Variants in H1-10 observed in about 807,000 individuals in gnomAD.
H1-10 encodes the protein histone H1.10.
For missense variants in H1-10, 307 were observed against 297.9 expected, an observed-to-expected ratio of 1.03 and a Z score of -0.22; for synonymous variants, 191 against 140.9, an observed-to-expected ratio of 1.36 and a Z score of -2.52.
Position 129,315,451 on chromosome 3 carries a change from G to A in H1-10, c.452C>T (p.Ala151Val). 1.4e-6 allele frequency: 2 copies of A among 1,458,936 alleles called. No individual in the cohort carries two copies. The highest frequency in any genetic ancestry group is 2.8e-5 in the East Asian group (1 of 36,090). 90.4% of individuals were successfully genotyped at this position (1,458,936 alleles called of 1,614,324 possible). The change falls in exon 1 of 1, where the codon GCG becomes GTG. Residue 151 changes from alanine (A) to valine (V), a missense_variant. By Grantham distance (64) the Ala-to-Val change is moderately conservative. Coordinates refer to ENST00000333762, the MANE Select transcript of H1-10 (RefSeq NM_006026.4). ...CTTGTCCGCGCGCCGGGAGCCGGCC[G>A]CGCCCGGGGCTGCCTTCTTCGCTTT... is the stretch of plus-strand genomic sequence containing the variant. The part of the protein sequence containing the change: ...AHKAKKAAPG[A>V]AGSRRADKKP...
Position 129,315,798 on chromosome 3 carries a change from C to T in H1-10, c.105G>A (p.Lys35=). ...GGSAALSPSK[K]RKNSKKKNQP... ...GGTTCTTCTTCTTGCTATTCTTCCTCTTCTTAGATGGGGACAACGCCGCCG... is the reference window on the plus strand; with the variant it reads ...GGTTCTTCTTCTTGCTATTCTTCCTTTTCTTAGATGGGGACAACGCCGCCG... Residue 35 remains lysine (K), a synonymous_variant, in exon 1 of 1, where the codon AAG becomes AAA. Transcript: ENST00000333762. 1.2e-6 allele frequency: 2 copies of T among 1,605,022 alleles called. No individual in the cohort carries two copies. The highest frequency in any genetic ancestry group is 2.2e-5 in the East Asian group (1 of 44,502).
rs1001267679 is a variant in H1-10 at position 129,315,042 on chromosome 3, G to A, written c.*219C>T. ...GTTGCCAAGGCCGAGAGCCAATAGA[G>A]GCGTCGCCGGGGCTGTTTCAAAAAC... On this transcript the variant is annotated 3_prime_UTR_variant, in exon 1 of 1. Coordinates refer to ENST00000333762, the MANE Select transcript of H1-10 (RefSeq NM_006026.4). 8.0e-6 allele frequency: 3 copies of A among 376,640 alleles called. No homozygotes were observed. Among genetic ancestry groups the A allele is most frequent in the African/African-American group, 4.2e-5 (2 of 47,880 alleles). The allele number at this position is 376,640 out of a possible 1,614,324, so 23.3% of individuals were successfully genotyped here.
chr3:129,315,543 C>A lies in H1-10; in HGVS notation c.360G>T (p.Lys120Asn). 6.5e-7 allele frequency: 1 copy of A among 1,545,392 alleles called. No homozygotes were observed. The highest frequency in any genetic ancestry group is 8.7e-7 in the Non-Finnish European group (1 of 1,146,492). Residue 120 changes from lysine (K) to asparagine (N), a missense_variant, in exon 1 of 1, where the codon AAG (lysine) becomes AAT (asparagine). By Grantham distance (94) the Lys-to-Asn change is moderately conservative. Coordinates refer to ENST00000333762, the MANE Select transcript of H1-10 (RefSeq NM_006026.4). ...ANGSFKLNRKKLEGGGERRGA... is the reference protein window; with the variant it reads ...ANGSFKLNRKNLEGGGERRGA... Reference sequence around the variant, plus strand: ...CGCGCCGCTCCCCGCCGCCCTCCAGCTTCTTGCGGTTGAGCTTGAAGGAAC... The same window carrying A: ...CGCGCCGCTCCCCGCCGCCCTCCAGATTCTTGCGGTTGAGCTTGAAGGAAC...
chr3:129,315,686 C>G lies in H1-10; in HGVS notation c.217G>C (p.Glu73Gln). ...TCGAACCACGGAACCTTCTTGGCCTCGGTGTAGATCTTGGCCAGCGACGAG... is the reference window on the plus strand; with the variant it reads ...TCGAACCACGGAACCTTCTTGGCCTGGGTGTAGATCTTGGCCAGCGACGAG... Reference protein sequence around the residue: ...NGSSLAKIYTEAKKVPWFDQQ... With the variant: ...NGSSLAKIYTQAKKVPWFDQQ... The change falls in exon 1 of 1, where the codon GAG becomes CAG. Residue 73 changes from glutamate to glutamine, a missense_variant. Glu to Gln is a conservative substitution (Grantham distance 29, BLOSUM62 2). Coordinates refer to ENST00000333762, the MANE Select transcript of H1-10 (RefSeq NM_006026.4). 6.3e-7 allele frequency: 1 copy of G among 1,586,566 alleles called. No homozygotes were observed. The highest frequency in any genetic ancestry group is 8.6e-7 in the Non-Finnish European group (1 of 1,168,384).
At position 129,315,377 on chromosome 3, in the gene H1-10, C is replaced by T. The variant is rs952219361; in HGVS notation, c.526G>A (p.Ala176Thr). 40 of 1,544,794 alleles carry T rather than the reference C, an allele frequency of 2.6e-5. No homozygotes were observed. The highest frequency in any genetic ancestry group is 3.3e-5 in the Non-Finnish European group (38 of 1,151,782). The change falls in exon 1 of 1, where the codon GCT (alanine) becomes ACT (threonine). Residue 176 changes from alanine (A) to threonine (T), a missense_variant. Ala to Thr is a moderately conservative substitution (Grantham distance 58, BLOSUM62 0). Coordinates refer to ENST00000333762, the MANE Select transcript of H1-10 (RefSeq NM_006026.4). ...KPEQRSHKKG[A>T]GAKKDKGGKA... ...CCGCCTTTGTCCTTCTTGGCGCCAG[C>T]GCCCTTCTTGTGCGAGCGCTGCTCC...
In H1-10 at chr3:129,314,906, G is replaced by A. The variant is rs1281690412; in HGVS notation, c.*355C>T. 3 of 181,670 alleles carry A rather than the reference G, an allele frequency of 1.7e-5. No homozygotes were observed. Among genetic ancestry groups the A allele is most frequent in the African/African-American group, 4.7e-5 (2 of 42,642 alleles). 11.3% of individuals were successfully genotyped at this position (181,670 alleles called of 1,614,324 possible). A position where few individuals can be genotyped will look rare whatever the true frequency, so the allele number is the denominator to read the frequency against. On this transcript the variant is annotated 3_prime_UTR_variant, in exon 1 of 1. Transcript: ENST00000333762. ...AGGGTGGGGAGCTGGGAAAGGATGC[G>A]CGGCCTCCGCGTCCCCGCGCGCCTG...
chr3:129,315,051 G>A lies in H1-10; in HGVS notation c.*210C>T, dbSNP rs1197592235. On this transcript the variant is annotated 3_prime_UTR_variant, in exon 1 of 1. Transcript: ENST00000333762. Reference sequence around the variant, plus strand: ...GCCGAGAGCCAATAGAGGCGTCGCCGGGGCTGTTTCAAAAACCTAAAGCAA... The same window carrying A: ...GCCGAGAGCCAATAGAGGCGTCGCCAGGGCTGTTTCAAAAACCTAAAGCAA... 2.5e-6 allele frequency: 1 copy of A among 392,632 alleles called. No homozygotes were observed. Among genetic ancestry groups the A allele is most frequent in the Non-Finnish European group, 4.4e-6 (1 of 227,544 alleles). The allele number at this position is 392,632 out of a possible 1,614,324, so 24.3% of individuals were successfully genotyped here. A position where few individuals can be genotyped will look rare whatever the true frequency, so the allele number is the denominator to read the frequency against.
rs981703558 is a variant in H1-10 at position 129,315,456 on chromosome 3, C to G, written c.447G>C (p.Pro149=). ...CCGCGCGCCGGGAGCCGGCCGCGCC[C>G]GGGGCTGCCTTCTTCGCTTTGTGCG... is the stretch of plus-strand genomic sequence containing the variant. ...PTAHKAKKAA[P]GAAGSRRADK... The change falls in exon 1 of 1, where the codon CCG becomes CCC. Residue 149 remains proline (P), a synonymous_variant. Transcript: ENST00000333762. The G allele has an allele frequency of 5.1e-5, 75 of 1,464,762 alleles. No individual in the cohort carries two copies. Among genetic ancestry groups the G allele is most frequent in the Non-Finnish European group, 6.5e-5 (73 of 1,115,608 alleles). 90.7% of individuals were successfully genotyped at this position (1,464,762 alleles called of 1,614,324 possible). A position where few individuals can be genotyped will look rare whatever the true frequency, so the allele number is the denominator to read the frequency against.
rs752557268 is a variant in H1-10 at position 129,315,306 on chromosome 3, C to T, written c.597G>A (p.Lys199=). 41 of 1,489,922 alleles carry T rather than the reference C, an allele frequency of 2.8e-5. No homozygotes were observed. Among genetic ancestry groups the T allele is most frequent in the East Asian group, 8.0e-5 (3 of 37,636 alleles). 92.3% of individuals were successfully genotyped at this position (1,489,922 alleles called of 1,614,324 possible). Reference sequence around the variant, plus strand: ...CTTTGGGGACGCTGGGCTTGGCCGCCTTCTTCACCTTCTTGCCCCCGGCGG... The same window carrying T: ...CTTTGGGGACGCTGGGCTTGGCCGCTTTCTTCACCTTCTTGCCCCCGGCGG... ...TAAAGGKKVK[K]AAKPSVPKVP... is the part of the protein sequence containing the mutation. The change falls in exon 1 of 1, where the codon AAG becomes AAA. Residue 199 remains lysine (K), a synonymous_variant. Transcript: ENST00000333762.
chr3:129,314,832 C>T lies in H1-10; in HGVS notation c.*429G>A, dbSNP rs547438761. The T allele has an allele frequency of 6.4e-6, 1 of 156,694 alleles. No homozygotes were observed. Among genetic ancestry groups the T allele is most frequent in the South Asian group, 2.0e-4 (1 of 4,884 alleles). 9.7% of individuals were successfully genotyped at this position (156,694 alleles called of 1,614,324 possible). On this transcript the variant is annotated 3_prime_UTR_variant, in exon 1 of 1. Transcript: ENST00000333762. ...GCCCATGGAATGAAGGGAAGAGCCG[C>T]GCAGCCCTGAGCCCGGAGCGATTGT...
Position 129,315,725 on chromosome 3 carries a change from C to T in H1-10, c.178G>A (p.Gly60Ser). 2 of 1,592,312 alleles carry T rather than the reference C, an allele frequency of 1.3e-6. No individual in the cohort carries two copies. The highest frequency in any genetic ancestry group is 1.1e-5 in the South Asian group (1 of 87,418). Residue 60 changes from glycine to serine, a missense_variant, in exon 1 of 1, where the codon GGC becomes AGC. By Grantham distance (56) the Gly-to-Ser change is moderately conservative. Transcript: ENST00000333762. ...QLVVETIRRL[G>S]ERNGSSLAKI... ...GCCAGCGACGAGCCGTTGCGCTCGC[C>T]CAGCCTACGGATGGTCTCCACCACC...
rs1018881853 is a variant in H1-10, at chr3:129,315,100, G to C, written c.*161C>G. The C allele has an allele frequency of 2.1e-6, 1 of 479,944 alleles. No individual in the cohort carries two copies. The allele number at this position is 479,944 out of a possible 1,614,324, so 29.7% of individuals were successfully genotyped here. A position where few individuals can be genotyped will look rare whatever the true frequency, so the allele number is the denominator to read the frequency against. Reference sequence around the variant, plus strand: ...AAACAACGAAAAACGCTACATCGTTGGGGGAGGGGAAAGACTGAGAGGACC... The same window carrying C: ...AAACAACGAAAAACGCTACATCGTTCGGGGAGGGGAAAGACTGAGAGGACC... On this transcript the variant is annotated 3_prime_UTR_variant, in exon 1 of 1. Transcript: ENST00000333762.
rs1436343191 is a variant in H1-10, at chr3:129,315,291, G to A, written c.612C>T (p.Ser204=). The A allele has an allele frequency of 3.4e-6, 5 of 1,471,422 alleles. No homozygotes were observed. The highest frequency in any genetic ancestry group is 1.4e-5 in the South Asian group (1 of 73,674). The allele number at this position is 1,471,422 out of a possible 1,614,324, so 91.1% of individuals were successfully genotyped here. Residue 204 remains serine, a synonymous_variant, in exon 1 of 1, where the codon AGC becomes AGT. Transcript: ENST00000333762. ...GKKVKKAAKP[S]VPKVPKGRK ...TGCGGCCCTTGGGCACTTTGGGGAC[G>A]CTGGGCTTGGCCGCCTTCTTCACCT...
rs1467118135 is a variant in H1-10 at position 129,315,980 on chromosome 3, G to C, written c.-78C>G. 4.2e-6 allele frequency: 4 copies of C among 943,728 alleles called. No individual in the cohort carries two copies. Among genetic ancestry groups the C allele is most frequent in the Non-Finnish European group, 2.7e-6 (2 of 728,548 alleles). 58.5% of individuals were successfully genotyped at this position (943,728 alleles called of 1,614,324 possible). ...GGGAAGAGGAAGGCGAGGGGCCGAG[G>C]GGGTGCAGGGGGGCTGGGGGCGCGC... On this transcript the variant is annotated 5_prime_UTR_variant, in exon 1 of 1. Transcript: ENST00000333762.
rs1204441151 is a variant in H1-10, at chr3:129,315,550, C to T, written c.353G>A (p.Arg118His). The part of the protein sequence containing the change: ...TGANGSFKLN[R>H]KKLEGGGERR... ...CTCCCCGCCGCCCTCCAGCTTCTTGCGGTTGAGCTTGAAGGAACCGTTGGC... is the reference window on the plus strand; with the variant it reads ...CTCCCCGCCGCCCTCCAGCTTCTTGTGGTTGAGCTTGAAGGAACCGTTGGC... The change falls in exon 1 of 1, where the codon CGC becomes CAC. Residue 118 changes from arginine to histidine, a missense_variant. By Grantham distance (29) the Arg-to-His change is conservative. Coordinates refer to ENST00000333762, the MANE Select transcript of H1-10 (RefSeq NM_006026.4). 1 of 1,546,504 alleles carries T rather than the reference C, an allele frequency of 6.5e-7. No individual in the cohort carries two copies. Among genetic ancestry groups the T allele is most frequent in the Non-Finnish European group, 8.7e-7 (1 of 1,146,624 alleles).
At position 129,314,849 on chromosome 3, in the gene H1-10, A is replaced by C. The variant is rs1485454192; in HGVS notation, c.*412T>G. ...AAGAGCCGCGCAGCCCTGAGCCCGGAGCGATTGTTTGTCGCGCACCCAAAG... is the reference window on the plus strand; with the variant it reads ...AAGAGCCGCGCAGCCCTGAGCCCGGCGCGATTGTTTGTCGCGCACCCAAAG... On this transcript the variant is annotated 3_prime_UTR_variant, in exon 1 of 1. Coordinates refer to ENST00000333762, the MANE Select transcript of H1-10 (RefSeq NM_006026.4). 1 of 159,080 alleles carries C rather than the reference A, an allele frequency of 6.3e-6. No individual in the cohort carries two copies. The highest frequency in any genetic ancestry group is 2.9e-3 in the Middle Eastern group (1 of 350). The allele number at this position is 159,080 out of a possible 1,614,324, so 9.9% of individuals were successfully genotyped here. A position where few individuals can be genotyped will look rare whatever the true frequency, so the allele number is the denominator to read the frequency against.
Position 129,315,540 on chromosome 3 carries a change from C to G in H1-10, c.363G>C (p.Leu121=). Residue 121 remains leucine (L), a synonymous_variant, in exon 1 of 1, where the codon CTG becomes CTC. Coordinates refer to ENST00000333762, the MANE Select transcript of H1-10 (RefSeq NM_006026.4). The stretch of plus-strand genomic sequence containing the variant: ...CTCCGCGCCGCTCCCCGCCGCCCTC[C>G]AGCTTCTTGCGGTTGAGCTTGAAGG... ...NGSFKLNRKK[L]EGGGERRGAP... 1 of 1,544,628 alleles carries G rather than the reference C, an allele frequency of 6.5e-7. No individual in the cohort carries two copies. Among genetic ancestry groups the G allele is most frequent in the Non-Finnish European group, 8.7e-7 (1 of 1,146,378 alleles).
rs2071291863 is a variant in H1-10, at chr3:129,315,380, CCTT to C, written c.520_522del (p.Lys174del). ...CCTTTGTCCTTCTTGGCGCCAGCGC[CCTT>C]CTTGTGCGAGCGCTGCTCCGGCTTC... On this transcript the variant is annotated inframe_deletion, in exon 1 of 1. Coordinates refer to ENST00000333762, the MANE Select transcript of H1-10 (RefSeq NM_006026.4). 6.5e-7 allele frequency: 1 copy of C among 1,543,320 alleles called. No homozygotes were observed. The highest frequency in any genetic ancestry group is 1.8e-5 in the Admixed American group (1 of 54,950).
chr3:129,314,995 GCCAGTAA>G lies in H1-10; in HGVS notation c.*259_*265del. On this transcript the variant is annotated 3_prime_UTR_variant, in exon 1 of 1. Transcript: ENST00000333762. ...CGGCCTCGGCCATCGGCGCCTAGGG[GCCAGTAA>G]CCATGACGACGGCCGTTGCCAAGGC... 1 of 286,464 alleles carries G rather than the reference GCCAGTAA, an allele frequency of 3.5e-6. No individual in the cohort carries two copies. Among genetic ancestry groups the G allele is most frequent in the Non-Finnish European group, 6.4e-6 (1 of 156,392 alleles). The allele number at this position is 286,464 out of a possible 1,614,324, so 17.7% of individuals were successfully genotyped here. A position where few individuals can be genotyped will look rare whatever the true frequency, so the allele number is the denominator to read the frequency against.
Sources: allele counts gnomAD v4.1 joint callset, GRCh38; gene constraint gnomAD v4.1.1; transcripts MANE v1.5; gene names NCBI Gene and HGNC (gene_info 2026-07-23, HGNC 2026-07-21).